AGMO: variants seen among roughly 807,000 people sequenced by gnomAD.
AGMO encodes the protein alkylglycerol monooxygenase, also known as glyceryl-ether monooxygenase.
A neutral mutation model predicts 60.2 loss-of-function variants in AGMO; 75 were observed. The observed-to-expected ratio is 1.25, with a 90% CI of 1.03 to 1.51. The LOEUF (loss-of-function observed/expected upper bound fraction) is 1.51. AGMO is among the 40% of genes most tolerant of loss of function. The pLI is 0.00. For missense variants in AGMO, 763 were observed against 525.5 expected (o/e 1.45, Z -4.42); for synonymous variants, 261 against 177.1 (o/e 1.47, Z -3.76).
At chr7:15,411,671 A>T (rs1780613218) in intron 5 of AGMO, among the ~76,000 whole-genome samples, 1 of 152,066 alleles carries the variant, frequency 6.6e-6, no homozygotes, top group African/African-American at 2.4e-5. Flanking sequence ...AATATGTGCC[A>T]AGTAGATTAA....
chr7:15,188,305 T>A, the AGMO span, among the ~76,000 whole-genome samples: 1 of 152,128 alleles, frequency 6.6e-6, no homozygotes, highest in African/African-American at 2.4e-5. Flanking sequence ...AAGAAAAGAG[T>A]ATATTACTAT....
chr7:15,486,019 T>A (rs1418262334), intron 3 of AGMO, among the ~76,000 whole-genome samples: 2 of 152,178 alleles, frequency 1.3e-5, no homozygotes, highest in Non-Finnish European at 2.9e-5. Context: ...TCATCAGAAG[T>A]TCTGAGCTTC....
chr7:15,500,029 A>T (rs1562538614), intron 3 of AGMO, among the ~76,000 whole-genome samples: 1 of 151,522 alleles, frequency 6.6e-6, no homozygotes. Context: ...TAAAGACAAA[A>T]CTAGGTATGA....
the AGMO span, among the ~76,000 whole-genome samples, chr7:15,177,650 T>G: frequency 1.3e-5 from 2 of 152,122 alleles, no homozygotes; most frequent in Non-Finnish European, 2.9e-5. Context: ...TTGCCATGAA[T>G]AGCATGTCTT....
chr7:15,257,141 G>T (rs1194808638), intron 12 of AGMO, among the ~76,000 whole-genome samples: 1 of 152,016 alleles, frequency 6.6e-6, no homozygotes, highest in Non-Finnish European at 1.5e-5. Flanking sequence ...AAAGTTTCAA[G>T]CAACATGGAT....
At chr7:15,530,330 CCATATATATTCTATATACGTATTTCTA>C (rs1784268356) in intron 3 of AGMO, among the ~76,000 whole-genome samples, 1 of 82,724 alleles carries the variant, frequency 1.2e-5, no homozygotes, top group African/African-American at 4.7e-5. Flanking sequence ...ATACGTATTT[CCATATATATTCTATATACGTATTTCTA>C]TATATATATT....
At chr7:15,420,040 G>C (rs1013999708) in intron 4 of AGMO, among the ~76,000 whole-genome samples, 3 of 152,058 alleles carry the variant, frequency 2.0e-5, no homozygotes, top group Non-Finnish European at 4.4e-5. Flanking sequence ...TCCTCTTTGA[G>C]AGCTGAGAAA....
chr7:15,499,932 C>CACACATATATAT (rs146144087), intron 3 of AGMO, among the ~76,000 whole-genome samples: 2 of 138,986 alleles, frequency 1.4e-5, no homozygotes, highest in Non-Finnish European at 3.1e-5. Flanking sequence ...CACACACACA[C>CACACATATATAT]ATATATATAT....
the AGMO span, among the ~76,000 whole-genome samples, chr7:15,125,038 T>C: frequency 1.3e-5 from 2 of 151,218 alleles, no homozygotes; most frequent in African/African-American, 4.8e-5. Flanking sequence ...TAAAACAGTA[T>C]TTTTGGAATG....
At chr7:15,201,553 G>C (rs1359565564) in intron 12 of AGMO, among the ~76,000 whole-genome samples, 194 bp from the exon 13 acceptor site, 1 of 152,106 alleles carries the variant, frequency 6.6e-6, no homozygotes, top group Non-Finnish European at 1.5e-5. Flanking sequence ...GTGAAGACAG[G>C]AGCAGGAGTT....
intron 12 of AGMO, among the ~76,000 whole-genome samples, chr7:15,220,133 C>T (rs540267330): frequency 6.6e-6 from 1 of 151,192 alleles, no homozygotes; most frequent in Admixed American, 6.6e-5. Flanking sequence ...GAATTTTTGC[C>T]TTATTTCTTT....
At chr7:15,188,044 C>T in the AGMO span, among the ~76,000 whole-genome samples, 1 of 152,166 alleles carries the variant, frequency 6.6e-6, no homozygotes, top group Non-Finnish European at 1.5e-5. Context: ...TCACGGCAAG[C>T]TTGCAAATGA....
intron 12 of AGMO, among the ~76,000 whole-genome samples, chr7:15,316,609 TAC>T (rs67680341): frequency 0.53 from 80,855 of 151,190 alleles, 21,757 homozygotes; most frequent in African/African-American, 0.59. Flanking sequence ...CCAACAAATA[TAC>T]ACACACACAC....
intron 12 of AGMO, among the ~76,000 whole-genome samples, chr7:15,238,967 T>C (rs1179152782): frequency 6.6e-6 from 1 of 152,124 alleles, no homozygotes; most frequent in Non-Finnish European, 1.5e-5. Context: ...CATAATGACT[T>C]TTTGAAGTAT....
chr7:15,225,170 T>C (rs999120763), intron 12 of AGMO, among the ~76,000 whole-genome samples: 2 of 152,078 alleles, frequency 1.3e-5, no homozygotes, highest in African/African-American at 4.8e-5. Flanking sequence ...ACGAACATTT[T>C]TCCATGTGAT....
At chr7:15,222,210 C>G (rs1161274683) in intron 12 of AGMO, among the ~76,000 whole-genome samples, 2 of 152,090 alleles carry the variant, frequency 1.3e-5, no homozygotes, top group East Asian at 3.9e-4. Flanking sequence ...AACAAGTTAT[C>G]TAATAACAGA....
At chr7:15,332,526 C>G (rs536926083) in intron 12 of AGMO, among the ~76,000 whole-genome samples, 2 of 152,264 alleles carry the variant, frequency 1.3e-5, no homozygotes, top group East Asian at 3.9e-4. Context: ...GTTTCCCCAT[C>G]ACTTGCCCAA....
intron 3 of AGMO, among the ~76,000 whole-genome samples, chr7:15,524,502 C>A (rs1583644251): frequency 6.6e-6 from 1 of 152,142 alleles, no homozygotes; most frequent in Non-Finnish European, 1.5e-5. Context: ...TTTAATGGCC[C>A]ACAGGAAATT....
intron 3 of AGMO, among the ~76,000 whole-genome samples, chr7:15,543,536 A>T (rs531496862): frequency 6.6e-6 from 1 of 152,162 alleles, no homozygotes; most frequent in Non-Finnish European, 1.5e-5. Flanking sequence ...ATGTGGAAGT[A>T]CTGCCAACAA....
Sources: allele counts gnomAD v4.1 joint callset (sites outside exome capture counted in the v4.1 genomes callset), GRCh38; gene constraint gnomAD v4.1.1; transcripts MANE v1.5; gene names NCBI Gene and HGNC (gene_info 2026-07-23, HGNC 2026-07-21).